MTOR: variants seen among roughly 807,000 people sequenced by gnomAD.
The protein encoded by MTOR is serine/threonine-protein kinase mTOR.
Under a neutral mutation model 319.8 loss-of-function variants are expected in MTOR, and 70 were observed. The observed-to-expected ratio is 0.22, with a 90% confidence interval of 0.18 to 0.27. The LOEUF (loss-of-function observed/expected upper bound fraction) is 0.27, where lower values mean the gene tolerates loss of function less well. MTOR is among the 10% of genes least tolerant of loss of function. MTOR has a pLI of 1.00. For missense variants in MTOR, 1,890 were observed against 3,274.4 expected, an observed-to-expected ratio of 0.58 and a Z score of 10.32; for synonymous variants, 1,183 against 1,211.4, an observed-to-expected ratio of 0.98 and a Z score of 0.49.
At position 11,109,218 on chromosome 1, in the gene MTOR, C is replaced by A; in HGVS notation, c.7528+72G>T. On this transcript the variant is annotated intron_variant, in intron 56 of 57. Transcript: ENST00000361445. This position sits in a 1 kb window ranked among gnomAD's most constrained non-coding sequence, Gnocchi z 4.0. ...GTCACTAACACCACTGGACATGGGG[C>A]TGACCACCACTCAGAGAGGAAAGTG... is the stretch of plus-strand genomic sequence containing the variant. 7.1e-7 allele frequency: 1 copy of A among 1,411,478 alleles called. No individual in the cohort carries two copies. Among genetic ancestry groups the A allele is most frequent in the Non-Finnish European group, 9.9e-7 (1 of 1,008,460 alleles). 87.4% of individuals were successfully genotyped at this position (1,411,478 alleles called of 1,614,324 possible).
intron 4 of MTOR, 79 bp downstream of exon 4, chr1:11,256,854 C>A: frequency 7.2e-7 from 1 of 1,381,240 alleles, no homozygotes; most frequent in Non-Finnish European, 1.0e-6. Context: ...AAGGAATGAG[C>A]CTCAGAAGGA....
At chr1:11,256,258 C>G in intron 4 of MTOR, 66 bp from the exon 5 acceptor site, 1 of 1,547,908 alleles carries the variant, frequency 6.5e-7, no homozygotes, top group Non-Finnish European at 8.7e-7. Context: ...GGAGTACAGT[C>G]TCTTGTCATC....
intron 30 of MTOR, among the ~76,000 whole-genome samples, chr1:11,152,178 G>C (rs968309458): frequency 5.9e-5 from 9 of 152,146 alleles, no homozygotes; most frequent in Non-Finnish European, 1.0e-4. Flanking sequence ...TCTCAAGGGC[G>C]GTTGGGTGAG....
intron 34 of MTOR, among the ~76,000 whole-genome samples, chr1:11,140,515 A>G (rs544860409): frequency 3.9e-5 from 6 of 152,134 alleles, no homozygotes; most frequent in Admixed American, 2.0e-4. Flanking sequence ...CAGGCTACTC[A>G]CCGGTCCCCG....
chr1:11,201,558 T>C (rs571947440), intron 26 of MTOR, among the ~76,000 whole-genome samples: 2 of 152,200 alleles, frequency 1.3e-5, no homozygotes, highest in Non-Finnish European at 2.9e-5. Context: ...GAAGGGCTGC[T>C]TATTAATTAA....
chr1:11,259,218 A>G, intron 2 of MTOR, 30 bp downstream of exon 2: 4 of 1,609,540 alleles, frequency 2.5e-6, no homozygotes, highest in Non-Finnish European at 3.4e-6. Context: ...CACACATCCC[A>G]CAATGACTGG....
chr1:11,230,835 A>T, intron 18 of MTOR, 90 bp downstream of exon 18: 1 of 1,557,832 alleles, frequency 6.4e-7, no homozygotes, highest in Non-Finnish European at 8.8e-7. Context: ...ATAATTTCTC[A>T]GTAATCCAGC....
intron 13 of MTOR, among the ~76,000 whole-genome samples, chr1:11,237,266 A>G (rs1278923945): frequency 1.3e-5 from 2 of 152,114 alleles, no homozygotes; most frequent in Non-Finnish European, 1.5e-5. Context: ...CAGTAGGTGA[A>G]GACAAAAACT....
At chr1:11,252,816 A>G (rs1395280276) in intron 6 of MTOR, among the ~76,000 whole-genome samples, 1 of 152,170 alleles carries the variant, frequency 6.6e-6, no homozygotes, top group Non-Finnish European at 1.5e-5. Context: ...ACTACTTCTC[A>G]GTATCTGTGC....
intron 6 of MTOR, 71 bp from the exon 7 acceptor site, chr1:11,248,165 A>G: frequency 6.9e-7 from 1 of 1,448,848 alleles, no homozygotes; most frequent in African/African-American, 1.4e-5. Context: ...TGTGGATTCT[A>G]CAGACAATTA....
At chr1:11,147,002 A>G (rs1238422832) in intron 31 of MTOR, among the ~76,000 whole-genome samples, 1 of 152,202 alleles carries the variant, frequency 6.6e-6, no homozygotes, top group East Asian at 1.9e-4. Flanking sequence ...CTGTCTTCCA[A>G]ACACAGGACT....
chr1:11,167,481 G>A lies in MTOR; in HGVS notation c.4290C>T (p.Ala1430=), dbSNP rs1389236912. Residue 1430 remains alanine (A), a synonymous_variant, in exon 29 of 58, where the codon GCC becomes GCT. Transcript: ENST00000361445. The part of the protein sequence containing the change: ...NNKLQQPEAA[A]GVLEYAMKHF... Reference sequence around the variant, plus strand: ...GTTTCATGGCATATTCTAACACTCCGGCCGCTGCCTCCGGCTGCTGTAGCT... The same window carrying A: ...GTTTCATGGCATATTCTAACACTCCAGCCGCTGCCTCCGGCTGCTGTAGCT... 7 of 1,613,334 alleles carry A rather than the reference G, an allele frequency of 4.3e-6. No homozygotes were observed. The highest frequency in any genetic ancestry group is 2.7e-5 in the African/African-American group (2 of 74,886).
At position 11,247,886 on chromosome 1, in the gene MTOR, C is replaced by A; in HGVS notation, c.1049G>T (p.Ser350Ile). ...CTCCACCAGGGTGGACTTAGCTGGACTGGGGGAGGTCCCAAATCCCATGAG... is the reference window on the plus strand; with the variant it reads ...CTCCACCAGGGTGGACTTAGCTGGAATGGGGGAGGTCCCAAATCCCATGAG... ...QGLMGFGTSP[S>I]PAKSTLVESR... Residue 350 changes from serine to isoleucine, a missense_variant, in exon 7 of 58, where the codon AGT becomes ATT. Physicochemically the swap from Ser to Ile is moderately radical, Grantham distance 142. Transcript: ENST00000361445. 6.2e-7 allele frequency: 1 copy of A among 1,614,180 alleles called. No individual in the cohort carries two copies. Among genetic ancestry groups the A allele is most frequent in the Non-Finnish European group, 8.5e-7 (1 of 1,180,034 alleles).
At chr1:11,167,216 C>T (rs1644673479) in intron 29 of MTOR, among the ~76,000 whole-genome samples, 1 of 151,000 alleles carries the variant, frequency 6.6e-6, no homozygotes, top group Non-Finnish European at 1.5e-5. Context: ...GCACGTTGTG[C>T]ACATGTACCC....
In MTOR at chr1:11,115,534, T is replaced by G; in HGVS notation, c.7017-66A>C. 11 of 1,457,874 alleles carry G rather than the reference T, an allele frequency of 7.5e-6. No homozygotes were observed. The highest frequency in any genetic ancestry group is 1.1e-5 in the Non-Finnish European group (11 of 1,038,644). The allele number at this position is 1,457,874 out of a possible 1,614,324, so 90.3% of individuals were successfully genotyped here. A position where few individuals can be genotyped will look rare whatever the true frequency, so the allele number is the denominator to read the frequency against. On this transcript the variant is annotated intron_variant, in intron 50 of 57. Transcript: ENST00000361445. The surrounding 1 kb of genome is among the most constrained non-coding windows in gnomAD (Gnocchi z 4.5). ...GATAACGGATGAAAAAATCAATAAG[T>G]ACGTGATACTGTAAGCTAGGAGTTG...
intron 6 of MTOR, among the ~76,000 whole-genome samples, chr1:11,250,785 C>T (rs986163269): frequency 6.6e-6 from 1 of 152,196 alleles, no homozygotes; most frequent in Admixed American, 6.5e-5. Context: ...AGTCTTCTCC[C>T]GCAAGCCTGC....
chr1:11,134,493 C>G, intron 36 of MTOR, 27 bp from the exon 37 acceptor site: 1 of 1,606,428 alleles, frequency 6.2e-7, no homozygotes, highest in South Asian at 1.1e-5. Flanking sequence ...GCACAGAGAG[C>G]CACTTGGCTT....
chr1:11,190,290 C>T (rs1005358396), intron 28 of MTOR, among the ~76,000 whole-genome samples: 1 of 152,176 alleles, frequency 6.6e-6, no homozygotes, highest in Non-Finnish European at 1.5e-5. Flanking sequence ...CAAGAGCTGA[C>T]AGGCTATATC....
Position 11,109,273 on chromosome 1 carries a change from A to C in MTOR, c.7528+17T>G. The C allele has an allele frequency of 6.2e-7, 1 of 1,610,810 alleles. No individual in the cohort carries two copies. The highest frequency in any genetic ancestry group is 8.5e-7 in the Non-Finnish European group (1 of 1,178,228). On this transcript the variant is annotated intron_variant, in intron 56 of 57. Coordinates refer to ENST00000361445, the MANE Select transcript of MTOR (RefSeq NM_004958.4). The surrounding 1 kb of genome is among the most constrained non-coding windows in gnomAD (Gnocchi z 4.0). ...CAGATTTTATGTCCCTTTTAAGTAA[A>C]CACATGACACACTCACCAGTGAGCT...
Sources: allele counts gnomAD v4.1 joint callset (sites outside exome capture counted in the v4.1 genomes callset), GRCh38; gene constraint gnomAD v4.1.1; non-coding constraint Gnocchi (gnomAD v3.1); transcripts MANE v1.5; gene names NCBI Gene and HGNC (gene_info 2026-07-23, HGNC 2026-07-21).